CCDC3: variants seen among roughly 807,000 people sequenced by gnomAD.
CCDC3 encodes coiled-coil domain-containing protein 3.
Under a neutral mutation model 21.4 loss-of-function variants are expected in CCDC3, and 24 were observed. The ratio of observed to expected loss-of-function variants is 1.12; its 90% CI spans 0.81 to 1.58. The LOEUF is 1.58. Ranked by LOEUF, CCDC3 falls within the 40% of genes most tolerant of loss-of-function variation. The probability of loss-of-function intolerance (pLI) is 0.00; values close to 1 mark genes in which losing one functional copy is unlikely to be tolerated. For missense variants in CCDC3, 425 were observed against 360.9 expected (o/e 1.18, Z -1.44); for synonymous variants, 186 against 166.0 (o/e 1.12, Z -0.93).
intron 2 of CCDC3, among the ~76,000 whole-genome samples, chr10:12,902,616 A>G (rs1385782501): frequency 6.6e-6 from 1 of 152,242 alleles, no homozygotes; most frequent in Non-Finnish European, 1.5e-5. Flanking sequence ...TGGCTGGAAC[A>G]TAACATCAAA....
At chr10:12,961,163 G>A (rs1251517676) in intron 2 of CCDC3, among the ~76,000 whole-genome samples, 1 of 152,132 alleles carries the variant, frequency 6.6e-6, no homozygotes, top group South Asian at 2.1e-4. Flanking sequence ...CCTAAGTTCC[G>A]GCCCACATTC....
At chr10:12,964,467 T>A (rs1589023748) in intron 2 of CCDC3, among the ~76,000 whole-genome samples, 1 of 152,276 alleles carries the variant, frequency 6.6e-6, no homozygotes, top group East Asian at 1.9e-4. Context: ...GTTGGGTCTG[T>A]AGTTTATGCC....
intron 2 of CCDC3, among the ~76,000 whole-genome samples, chr10:12,943,862 C>T (rs1382872670): frequency 6.6e-6 from 1 of 152,160 alleles, no homozygotes; most frequent in Non-Finnish European, 1.5e-5. Context: ...CTTAAGCTCA[C>T]TTGTTATGTG....
intron 2 of CCDC3, among the ~76,000 whole-genome samples, chr10:12,955,745 ATTTAT>A (rs1835073733): frequency 6.6e-6 from 1 of 151,042 alleles, no homozygotes; most frequent in South Asian, 2.1e-4. Flanking sequence ...TTTGTTGTTT[ATTTAT>A]TTTATTTTTT....
At chr10:12,962,561 C>T (rs1039216186) in intron 2 of CCDC3, among the ~76,000 whole-genome samples, 17 of 152,180 alleles carry the variant, frequency 1.1e-4, no homozygotes, top group African/African-American at 3.9e-4. Flanking sequence ...CAAGATCGCA[C>T]CACTGCACTC....
chr10:12,981,299 C>T (rs1455749420), intron 2 of CCDC3, among the ~76,000 whole-genome samples: 1 of 151,400 alleles, frequency 6.6e-6, no homozygotes, highest in East Asian at 1.9e-4. Context: ...CCTGCCTCAG[C>T]CTCCCGAGTA....
At position 12,952,086 on chromosome 10, in the gene CCDC3, C is replaced by T. The variant is rs568779484; in HGVS notation, c.549+46252G>A. ...GAAATGACTTCTAGCCACTTCTAGCCGCCTAGAGAACATAGCCAAACTGAT... is the reference window on the plus strand; with the variant it reads ...GAAATGACTTCTAGCCACTTCTAGCTGCCTAGAGAACATAGCCAAACTGAT... On this transcript the variant is annotated intron_variant, in intron 2 of 2. Coordinates refer to ENST00000378825, the MANE Select transcript of CCDC3 (RefSeq NM_031455.4). Among the ~76,000 whole-genome samples the T allele has an allele frequency of 2.1e-4, 32 of 152,256 alleles. No individual in the cohort carries two copies. The South Asian group carries it at 3.1e-3, about 15-fold the overall frequency.
chr10:12,993,200 C>A (rs1220491234), intron 2 of CCDC3, among the ~76,000 whole-genome samples: 1 of 152,186 alleles, frequency 6.6e-6, no homozygotes, highest in Non-Finnish European at 1.5e-5. Flanking sequence ...TAAGCCCTTG[C>A]ATCACTCTAG....
At chr10:12,931,208 CAAAA>C (rs67541166) in intron 2 of CCDC3, among the ~76,000 whole-genome samples, 72 of 75,034 alleles carry the variant, frequency 9.6e-4, no homozygotes, top group Non-Finnish European at 1.1e-3. Context: ...AAGACTCTGT[CAAAA>C]AAAAAAAAAA....
intron 1 of CCDC3, among the ~76,000 whole-genome samples, chr10:13,000,079 TTCTC>T (rs1835823295): frequency 6.6e-6 from 1 of 152,210 alleles, no homozygotes; most frequent in Non-Finnish European, 1.5e-5. Context: ...ACTGTTTTCT[TTCTC>T]AGAGAAATGC....
At chr10:13,093,329 T>G (rs1832598484) in intron 3 of CCDC3, among the ~76,000 whole-genome samples, 1 of 152,074 alleles carries the variant, frequency 6.6e-6, no homozygotes, top group African/African-American at 2.4e-5. Flanking sequence ...TCGTGAGACT[T>G]ATTCACTACC....
intron 5 of CCDC3, among the ~76,000 whole-genome samples, chr10:13,007,576 C>T (rs1835939833): frequency 6.6e-6 from 1 of 152,072 alleles, no homozygotes; most frequent in Admixed American, 6.6e-5. Context: ...CCGGAACATG[C>T]TGAGCTTTTA....
Position 12,945,451 on chromosome 10 carries a change from G to T in CCDC3, c.550-46772C>A, listed in dbSNP as rs1205268583. Among the ~76,000 whole-genome samples the T allele has an allele frequency of 2.0e-5, 3 of 152,020 alleles. No individual in the cohort carries two copies. In the East Asian group the frequency reaches 5.8e-4, roughly 29 times the overall value. ...AACCCCGAATGGATATAAGAAAACT[G>T]TAGGATGCTTGTAAAAGTAGAATCA... On this transcript the variant is annotated intron_variant, in intron 2 of 2. Coordinates refer to ENST00000378825, the MANE Select transcript of CCDC3 (RefSeq NM_031455.4).
At chr10:13,011,731 C>A (rs1365039746) in intron 5 of CCDC3, among the ~76,000 whole-genome samples, 6 of 152,016 alleles carry the variant, frequency 3.9e-5, no homozygotes, top group Admixed American at 3.9e-4. Context: ...AAAAAAGGGC[C>A]CAAATAACCA....
intron 2 of CCDC3, among the ~76,000 whole-genome samples, chr10:12,986,029 C>G (rs903198535): frequency 2.0e-5 from 3 of 152,182 alleles, no homozygotes; most frequent in Non-Finnish European, 4.4e-5. Flanking sequence ...GCGCCCGCCA[C>G]CACGCCCAGT....
Position 13,068,225 on chromosome 10 carries a change from T to C in CCDC3, c.-270+5643A>G, listed in dbSNP as rs866591235. On this transcript the variant is annotated intron_variant, in intron 4 of 6. Coordinates refer to the CCDC3 transcript ENST00000378839. ...AGGCCTTAAAAGCTGCATGTTTTTCTGGCCCTGTCTCTTAAAAGGCAACAC... is the reference window on the plus strand; with the variant it reads ...AGGCCTTAAAAGCTGCATGTTTTTCCGGCCCTGTCTCTTAAAAGGCAACAC... 3.3e-5 allele frequency among the ~76,000 whole-genome samples: 5 copies of C among 152,302 alleles called. No individual in the cohort carries two copies. In the Middle Eastern group the frequency reaches 0.017, roughly 518 times the overall value.
chr10:13,055,221 G>A (rs961775764), intron 4 of CCDC3, among the ~76,000 whole-genome samples: 2 of 152,230 alleles, frequency 1.3e-5, no homozygotes, highest in African/African-American at 4.8e-5. Context: ...GATTTCAAGA[G>A]AGTGGAAGCT....
intron 2 of CCDC3, among the ~76,000 whole-genome samples, chr10:12,928,555 A>T (rs1316206040): frequency 6.6e-6 from 1 of 152,140 alleles, no homozygotes; most frequent in East Asian, 1.9e-4. Flanking sequence ...TTGTCTCTTC[A>T]ACAAGACAGG....
intron 2 of CCDC3, among the ~76,000 whole-genome samples, chr10:12,948,247 T>A (rs185674098): frequency 1.0e-3 from 155 of 152,178 alleles, no homozygotes; most frequent in African/African-American, 3.5e-3. Flanking sequence ...CCACCATAAT[T>A]GTGAGGCCTC....
Sources: gnomAD v4.1 joint callset for allele counts (sites outside exome capture counted in the v4.1 genomes callset) on GRCh38, gnomAD v4.1.1 for gene constraint, MANE v1.5 for transcripts, NCBI Gene and HGNC (gene_info 2026-07-23, HGNC 2026-07-21) for gene names.